Variants in ZNF446 observed in about 807,000 individuals in gnomAD.
ZNF446 encodes the protein zinc finger protein 446, also known as zinc finger protein with KRAB and SCAN domains 20.
A neutral mutation model predicts 34.0 loss-of-function variants in ZNF446; 42 were observed. The observed-to-expected ratio is 1.23, with a 90% CI of 0.96 to 1.60. ZNF446 has a LOEUF of 1.60. ZNF446 is among the 40% of genes most tolerant of loss of function. The pLI is 0.00. For missense variants in ZNF446, 650 were observed against 600.2 expected (o/e 1.08, Z -0.87); for synonymous variants, 315 against 251.0 (o/e 1.25, Z -2.41).
chr19:58,478,493 G>C (rs1449397182), intron 4 of ZNF446, among the ~76,000 whole-genome samples: 1 of 152,062 alleles, frequency 6.6e-6, no homozygotes, highest in Non-Finnish European at 1.5e-5. Flanking sequence ...GTGAAACCCT[G>C]TATCTACTAA....
chr19:58,477,330 G>C lies in ZNF446; in HGVS notation c.112G>C (p.Ala38Pro). The change falls in exon 2 of 7, where the codon GCA becomes CCA. Residue 38 changes from alanine (A) to proline (P), a missense_variant. Coordinates refer to ENST00000594369, the MANE Select transcript of ZNF446 (RefSeq NM_017908.4). ...CCGAGGGTTCTGCTACCAGGAGGTGGCAGGTCCCCGAGAAGCCCTGGCCCG... is the reference window on the plus strand; with the variant it reads ...CCGAGGGTTCTGCTACCAGGAGGTGCCAGGTCCCCGAGAAGCCCTGGCCCG... ...RFRGFCYQEVAGPREALARLR... is the reference protein window; with the variant it reads ...RFRGFCYQEVPGPREALARLR... 6.2e-7 allele frequency: 1 copy of C among 1,613,340 alleles called. No homozygotes were observed. The highest frequency in any genetic ancestry group is 1.1e-5 in the South Asian group (1 of 91,070).
intron 4 of ZNF446, among the ~76,000 whole-genome samples, chr19:58,479,173 T>G (rs148243771): frequency 4.9e-4 from 75 of 152,128 alleles, no homozygotes; most frequent in African/African-American, 1.7e-3. Context: ...GCAGGGTGGG[T>G]AGGCTGCACT....
In ZNF446 at chr19:58,477,705, C is replaced by T. The variant is rs772685512; in HGVS notation, c.411C>T (p.Ser137=). 9 of 1,613,754 alleles carry T rather than the reference C, an allele frequency of 5.6e-6. No homozygotes were observed. The Admixed American group carries it at 1.3e-4, about 24-fold the overall frequency. Reference sequence around the variant, plus strand: ...AGAAGACAGAGGAACCACTTGGGAGCCCCCACCCCTCAGGGACAGTGGAGT... The same window carrying T: ...AGAAGACAGAGGAACCACTTGGGAGTCCCCACCCCTCAGGGACAGTGGAGT... ...AAQKTEEPLG[S]PHPSGTVESP... The change falls in exon 3 of 7, where the codon AGC becomes AGT. Residue 137 remains serine, a synonymous_variant. Coordinates refer to ENST00000594369, the MANE Select transcript of ZNF446 (RefSeq NM_017908.4).
downstream of ZNF446, among the ~76,000 whole-genome samples, chr19:58,484,381 A>C (rs937566500): frequency 2.0e-5 from 3 of 150,188 alleles, no homozygotes; most frequent in African/African-American, 7.4e-5. Flanking sequence ...CAGGAGGATC[A>C]CTTGAGTCCA....
chr19:58,476,809 T>G (rs2053089990), intron 1 of ZNF446, among the ~76,000 whole-genome samples: 2 of 151,864 alleles, frequency 1.3e-5, no homozygotes, highest in South Asian at 4.2e-4. Context: ...CCTGGTCCAC[T>G]CTCCTCGCAC....
At chr19:58,486,443 T>C in the ZNF446 span, among the ~76,000 whole-genome samples, 2 of 151,856 alleles carry the variant, frequency 1.3e-5, no homozygotes, top group African/African-American at 4.8e-5. Context: ...GTCTCGCTCT[T>C]ATTCCCCAAG....
intron 4 of ZNF446, among the ~76,000 whole-genome samples, chr19:58,479,255 T>C (rs1439249641): frequency 2.0e-5 from 3 of 152,160 alleles, no homozygotes; most frequent in African/African-American, 7.2e-5. Context: ...TTCCTGCCCC[T>C]GGACTTGCCA....
chr19:58,479,066 G>C (rs970518898), intron 4 of ZNF446, among the ~76,000 whole-genome samples: 1 of 152,184 alleles, frequency 6.6e-6, no homozygotes, highest in South Asian at 2.1e-4. Flanking sequence ...CTCCACTGGG[G>C]AGCTTCAGCA....
the ZNF446 span, among the ~76,000 whole-genome samples, chr19:58,487,670 G>A: frequency 6.6e-6 from 1 of 151,540 alleles, no homozygotes; most frequent in Non-Finnish European, 1.5e-5. Flanking sequence ...TTAGCCAGCC[G>A]TGATGGTGGG....
At chr19:58,486,239 C>T in the ZNF446 span, among the ~76,000 whole-genome samples, 3 of 151,558 alleles carry the variant, frequency 2.0e-5, no homozygotes, top group Non-Finnish European at 2.9e-5. Context: ...ACTACAGGCA[C>T]GTGCCACCAC....
the ZNF446 span, among the ~76,000 whole-genome samples, chr19:58,487,330 C>T: frequency 6.6e-6 from 1 of 152,134 alleles, no homozygotes; most frequent in Non-Finnish European, 1.5e-5. Flanking sequence ...GTCACTGCAA[C>T]CCGGAACTCC....
the ZNF446 span, among the ~76,000 whole-genome samples, chr19:58,487,002 G>A: frequency 1.6e-3 from 47 of 28,994 alleles, no homozygotes; most frequent in Admixed American, 0.011. Flanking sequence ...GGGTTTCACC[G>A]TGTTAGCCAG....
the ZNF446 span, among the ~76,000 whole-genome samples, chr19:58,486,957 C>A: frequency 6.6e-6 from 1 of 151,834 alleles, no homozygotes; most frequent in African/African-American, 2.4e-5. Flanking sequence ...TGCCCGCCAC[C>A]ACACCCAGCT....
chr19:58,479,717 G>C lies in ZNF446; in HGVS notation c.702G>C (p.Val234=). The stretch of plus-strand genomic sequence containing the variant: ...CGATGCTGGAGAAGTACGGCACAGT[G>C]GTCTCCCTGGGTGAGGACCAGCCAG... ...WDAMLEKYGT[V]VSLGLPPHQP... The change falls in exon 5 of 7, where the codon GTG becomes GTC. Residue 234 remains valine, a synonymous_variant. Coordinates refer to ENST00000594369, the MANE Select transcript of ZNF446 (RefSeq NM_017908.4). 1.2e-6 allele frequency: 2 copies of C among 1,612,548 alleles called. No homozygotes were observed. Among genetic ancestry groups the C allele is most frequent in the Non-Finnish European group, 1.7e-6 (2 of 1,179,648 alleles).
intron 4 of ZNF446, 31 bp from the exon 5 acceptor site, chr19:58,479,612 A>G (rs1362519754): frequency 6.2e-7 from 1 of 1,609,370 alleles, no homozygotes; most frequent in Non-Finnish European, 8.5e-7. Flanking sequence ...AGGGGTGGAA[A>G]GACGCCTACA....
In ZNF446 at chr19:58,477,414, C is replaced by T. The variant is rs1451800500; in HGVS notation, c.196C>T (p.Leu66=). ...TGAGGCACACTCCAAGGAGCAGATG[C>T]TGGAGATGCTGGTGCTGGAGCAGTT... The part of the protein sequence containing the change: ...QPEAHSKEQM[L]EMLVLEQFLG... Residue 66 remains leucine, a synonymous_variant, in exon 2 of 7, where the codon CTG becomes TTG. Transcript: ENST00000594369. The T allele has an allele frequency of 6.2e-7, 1 of 1,613,350 alleles. No homozygotes were observed. Among genetic ancestry groups the T allele is most frequent in the Non-Finnish European group, 8.5e-7 (1 of 1,180,032 alleles).
At position 58,480,053 on chromosome 19, in the gene ZNF446, C is replaced by A; in HGVS notation, c.802+34C>A. The stretch of plus-strand genomic sequence containing the variant: ...CCCACACCATCCAGCCTGAATCACC[C>A]CTCCTGTATCGGTGGGACCTGAGCC... On this transcript the variant is annotated intron_variant, in intron 6 of 6. Transcript: ENST00000594369. The surrounding 1 kb of genome is among the most constrained non-coding windows in gnomAD (Gnocchi z 7.2). The A allele has an allele frequency of 6.4e-7, 1 of 1,566,122 alleles. No homozygotes were observed. The highest frequency in any genetic ancestry group is 2.3e-5 in the East Asian group (1 of 42,644).
downstream of ZNF446, among the ~76,000 whole-genome samples, chr19:58,484,312 T>A (rs111730736): frequency 0.15 from 21,484 of 143,570 alleles, 1,765 homozygotes; most frequent in Non-Finnish European, 0.18. Context: ...TTAAAAAAAA[T>A]TTTTTTAGCT....
chr19:58,486,707 C>CT, the ZNF446 span, among the ~76,000 whole-genome samples: 47,846 of 143,332 alleles, frequency 0.33, 8,394 homozygotes, highest in African/African-American at 0.49. Flanking sequence ...CCGCACCCAG[C>CT]TTTTTTTTTT....
Sources: allele counts gnomAD v4.1 joint callset (sites outside exome capture counted in the v4.1 genomes callset), GRCh38; gene constraint gnomAD v4.1.1; non-coding constraint Gnocchi (gnomAD v3.1); transcripts MANE v1.5; gene names NCBI Gene and HGNC (gene_info 2026-07-23, HGNC 2026-07-21).